The following MRPS6 variants were observed in gnomAD, a reference collection of about 807,000 sequenced individuals.
MRPS6 encodes the protein small ribosomal subunit protein bS6m.
In MRPS6, 6 loss-of-function variants were observed where a neutral mutation model predicts 13.1. The ratio of observed to expected loss-of-function variants is 0.46; its 90% CI spans 0.25 to 0.91. The LOEUF (loss-of-function observed/expected upper bound fraction) is 0.91, where lower values mean the gene tolerates loss of function less well. MRPS6 is among the 40% of genes least tolerant of loss of function. The pLI, the probability that MRPS6 is intolerant of heterozygous loss-of-function variation, is 0.18. For missense variants in MRPS6, 164 were observed against 155.6 expected (o/e 1.05, Z -0.29); for synonymous variants, 61 against 56.5 (o/e 1.08, Z -0.36).
intron 1 of MRPS6, among the ~76,000 whole-genome samples, chr21:34,115,168 T>C (rs750169524): frequency 6.6e-6 from 1 of 152,244 alleles, no homozygotes; most frequent in Non-Finnish European, 1.5e-5. Flanking sequence ...TAATGTGTGC[T>C]GAACTCAGAT....
intron 1 of MRPS6, among the ~76,000 whole-genome samples, chr21:34,090,948 G>C (rs1233908157): frequency 6.6e-6 from 1 of 152,200 alleles, no homozygotes; most frequent in Non-Finnish European, 1.5e-5. Context: ...CTGTCTGTTG[G>C]GGTGGGGAGA....
chr21:34,104,479 A>G, intron 1 of MRPS6: 1 of 998,266 alleles, frequency 1.0e-6, no homozygotes, highest in East Asian at 1.1e-4. Context: ...AGAAATGACT[A>G]CCTTTGTTCC....
intron 1 of MRPS6, chr21:34,099,825 C>A (rs1321070464): frequency 3.3e-6 from 2 of 608,104 alleles, no homozygotes; most frequent in African/African-American, 4.0e-5. Flanking sequence ...GTATAAACAT[C>A]ATTTTATTTA....
chr21:34,102,969 TAA>T (rs778971477), intron 1 of MRPS6: 18 of 1,000,000 alleles, frequency 1.8e-5, no homozygotes, highest in Non-Finnish European at 2.0e-5. Context: ...TGCTGCTGGA[TAA>T]AAGAGTGTTT....
At chr21:34,113,829 A>G (rs1471353074) in intron 1 of MRPS6, among the ~76,000 whole-genome samples, 1 of 152,170 alleles carries the variant, frequency 6.6e-6, no homozygotes, top group East Asian at 1.9e-4. Flanking sequence ...TTTCTTATAA[A>G]CCTTTTGTCT....
At chr21:34,086,508 AGTTTGT>A (rs944714766) in intron 1 of MRPS6, among the ~76,000 whole-genome samples, 9 of 115,920 alleles carry the variant, frequency 7.8e-5, no homozygotes, top group African/African-American at 3.0e-4. Context: ...GTTTATTTCT[AGTTTGT>A]GTTTGTGTGT....
chr21:34,095,142 TAAATA>T (rs1978904502), intron 1 of MRPS6: 3 of 1,529,562 alleles, frequency 2.0e-6, no homozygotes, highest in Admixed American at 4.2e-5. Context: ...TTACTAAAAA[TAAATA>T]AAAAGTTGGA....
Position 34,127,195 on chromosome 21 carries a change from G to C in MRPS6, c.185+1715G>C, listed in dbSNP as rs145831313. Among the ~76,000 whole-genome samples the C allele has an allele frequency of 3.5e-3, 531 of 152,318 alleles. 3 individuals carry two copies. The highest frequency in any genetic ancestry group is 0.012 in the African/African-American group (514 of 41,554). ...CCTCAACAAACAGAAGCAGTGTTCT[G>C]TATTACATATGTGTATTATATATAG... On this transcript the variant is annotated intron_variant, in intron 2 of 2. Transcript: ENST00000399312.
chr21:34,142,148 G>T (rs1258806009), intron 2 of MRPS6, among the ~76,000 whole-genome samples: 1 of 152,172 alleles, frequency 6.6e-6, no homozygotes, highest in African/African-American at 2.4e-5. Flanking sequence ...TGTTTTTGCT[G>T]CCATAAAGCT....
In MRPS6 at chr21:34,075,916, G is replaced by C. The variant is rs1019797268; in HGVS notation, c.45+2171G>C. ...AAATGCGACTGTGAGCTTGCACACC[G>C]GTAGCAGGCCTTGGAGAAACCACAG... On this transcript the variant is annotated intron_variant, in intron 1 of 2. Coordinates refer to ENST00000399312, the MANE Select transcript of MRPS6 (RefSeq NM_032476.4). 1.7e-4 allele frequency among the ~76,000 whole-genome samples: 26 copies of C among 152,276 alleles called. 1 individual carries two copies. Among genetic ancestry groups the C allele is most frequent in the Admixed American group, 1.7e-3 (26 of 15,302 alleles).
intron 1 of MRPS6, 91 bp downstream of exon 1, chr21:34,073,836 C>G (rs79607614): frequency 0.68 from 630,476 of 931,910 alleles, 217,063 homozygotes; most frequent in African/African-American, 0.73. Flanking sequence ...GCCGCGGGAC[C>G]CCGGGCCTTC....
chr21:34,099,570 A>G (rs1182141303), intron 1 of MRPS6: 1 of 999,306 alleles, frequency 1.0e-6, no homozygotes, highest in Non-Finnish European at 1.2e-6. Context: ...TATCTCTTCC[A>G]TATCCAGCGT....
At chr21:34,095,173 AG>A (rs11295803) in intron 1 of MRPS6, 1,563,544 of 1,563,544 alleles carry the variant, frequency 1, 781,772 homozygotes, top group Non-Finnish European at 1. Context: ...CTGTCATTGG[AG>A]CGCTATTATT....
chr21:34,088,108 CTGTGAGAACCCTTGCATT>C (rs1470110220), intron 1 of MRPS6, among the ~76,000 whole-genome samples: 2 of 152,330 alleles, frequency 1.3e-5, no homozygotes, highest in East Asian at 3.9e-4. Context: ...ATAAATTTTA[CTGTGAGAACCCTTGCATT>C]TGTAGATTGT....
intron 1 of MRPS6, among the ~76,000 whole-genome samples, chr21:34,081,998 CT>C (rs1214095779): frequency 6.7e-6 from 1 of 149,060 alleles, no homozygotes; most frequent in Non-Finnish European, 1.5e-5. Flanking sequence ...GTTTTGCCAG[CT>C]TTTTTTTTCT....
intron 1 of MRPS6, among the ~76,000 whole-genome samples, chr21:34,089,711 A>G: frequency 6.6e-6 from 1 of 152,110 alleles, no homozygotes; most frequent in East Asian, 1.9e-4. Context: ...CTGGTGGTAG[A>G]GGGTTGGGAG....
intron 1 of MRPS6, among the ~76,000 whole-genome samples, chr21:34,077,448 A>G (rs962326010): frequency 2.0e-5 from 3 of 152,358 alleles, no homozygotes; most frequent in Non-Finnish European, 4.4e-5. Flanking sequence ...GCCCTGGGAT[A>G]ATACTTTTCC....
intron 1 of MRPS6, chr21:34,122,384 G>A (rs1340205370): frequency 6.6e-6 from 1 of 152,102 alleles, no homozygotes; most frequent in Non-Finnish European, 1.5e-5. Context: ...TTATACTTCT[G>A]GGTGTTTTGA....
chr21:34,119,705 A>G (rs1980054177), intron 1 of MRPS6, among the ~76,000 whole-genome samples: 1 of 152,112 alleles, frequency 6.6e-6, no homozygotes, highest in South Asian at 2.1e-4. Context: ...CTGGCTTAAA[A>G]CTGTCTTTCC....
Sources: gnomAD v4.1 joint callset for allele counts (sites outside exome capture counted in the v4.1 genomes callset) on GRCh38, gnomAD v4.1.1 for gene constraint, MANE v1.5 for transcripts, NCBI Gene and HGNC (gene_info 2026-07-23, HGNC 2026-07-21) for gene names.